FMN1: variants seen among roughly 807,000 people sequenced by gnomAD.
FMN1 encodes the protein formin 1.
Under a neutral mutation model 132.4 loss-of-function variants are expected in FMN1, and 110 were observed. That is an observed-to-expected ratio of 0.83 (90% CI 0.71 to 0.97). FMN1 has a LOEUF of 0.97. FMN1 is among the 50% of genes least tolerant of loss of function. The probability of loss-of-function intolerance (pLI) is 0.00; values close to 1 mark genes in which losing one functional copy is unlikely to be tolerated. For missense variants in FMN1, 1,792 were observed against 1,705.3 expected (o/e 1.05, Z -0.90); for synonymous variants, 722 against 651.7 (o/e 1.11, Z -1.64).
intron 13 of FMN1, 168 bp from the exon 14 acceptor site, chr15:32,900,293 T>C: frequency 1.4e-6 from 1 of 734,840 alleles, no homozygotes; most frequent in South Asian, 1.5e-5. Flanking sequence ...TGAGTGTCTT[T>C]ACAAACACAT....
intron 5 of FMN1, among the ~76,000 whole-genome samples, chr15:33,078,700 T>C (rs2038324218): frequency 6.7e-6 from 1 of 150,258 alleles, no homozygotes; most frequent in African/African-American, 2.4e-5. Flanking sequence ...AACATAGGAG[T>C]GTTCACAAAC....
intron 6 of FMN1, among the ~76,000 whole-genome samples, chr15:33,046,042 A>G (rs2036665484): frequency 6.6e-6 from 1 of 152,174 alleles, no homozygotes; most frequent in Non-Finnish European, 1.5e-5. Context: ...CCTTGCTGAA[A>G]TGGTATTAGC....
chr15:32,966,455 A>G (rs1018328986), intron 8 of FMN1, among the ~76,000 whole-genome samples: 2 of 152,140 alleles, frequency 1.3e-5, no homozygotes, highest in East Asian at 1.9e-4. Flanking sequence ...ACCACTGAAC[A>G]TACAATTCTA....
chr15:33,082,666 G>A (rs1367226570), intron 5 of FMN1, among the ~76,000 whole-genome samples: 3 of 152,194 alleles, frequency 2.0e-5, no homozygotes, highest in African/African-American at 7.2e-5. Context: ...TGAGATGCAT[G>A]GCTAATGGTA....
chr15:33,025,722 TATCTCAAA>T (rs1372721925), intron 6 of FMN1, among the ~76,000 whole-genome samples: 1 of 152,200 alleles, frequency 6.6e-6, no homozygotes, highest in East Asian at 1.9e-4. Context: ...AAACCTATTG[TATCTCAAA>T]ATCTCAAAAT....
intron 5 of FMN1, among the ~76,000 whole-genome samples, chr15:33,075,020 C>CAAAAAAAAAAAAAAA (rs57504432): frequency 3.2e-5 from 2 of 61,662 alleles, no homozygotes; most frequent in Non-Finnish European, 5.7e-5. Context: ...GATTCCATCT[C>CAAAAAAAAAAAAAAA]AAAAAAAAAA....
chr15:33,067,912 C>A, intron 5 of FMN1: 1 of 1,580,460 alleles, frequency 6.3e-7, no homozygotes, highest in South Asian at 1.2e-5. Flanking sequence ...GGTGGAAGTT[C>A]TGACTTGTGT....
At chr15:33,127,705 C>CTG (rs1215744660) in intron 4 of FMN1, among the ~76,000 whole-genome samples, 1 of 152,178 alleles carries the variant, frequency 6.6e-6, no homozygotes, top group Admixed American at 6.5e-5. Context: ...GTAAGCTATG[C>CTG]TGAACCTGTG....
intron 19 of FMN1, among the ~76,000 whole-genome samples, chr15:32,794,530 G>C (rs1168064696): frequency 6.6e-6 from 1 of 151,742 alleles, no homozygotes; most frequent in Non-Finnish European, 1.5e-5. Context: ...GGAATGTTTT[G>C]TAAGTAAGGG....
intron 7 of FMN1, among the ~76,000 whole-genome samples, chr15:33,001,901 A>C (rs1453312600): frequency 1.3e-5 from 2 of 152,060 alleles, no homozygotes; most frequent in East Asian, 3.9e-4. Context: ...AAAAACCCTA[A>C]GCTCCCCCAC....
intron 6 of FMN1, among the ~76,000 whole-genome samples, chr15:33,030,762 A>ATG (rs1028362190): frequency 2.0e-4 from 30 of 152,292 alleles, no homozygotes; most frequent in African/African-American, 7.2e-4. Flanking sequence ...GGTGTAGAAA[A>ATG]TGTGTATTAT....
intron 4 of FMN1, among the ~76,000 whole-genome samples, chr15:33,122,406 G>C (rs1462994581): frequency 6.7e-6 from 1 of 150,142 alleles, no homozygotes; most frequent in Non-Finnish European, 1.5e-5. Context: ...TGGTGGGAAA[G>C]TAAGGTAGGT....
chr15:32,890,585 C>T (rs1353755126), intron 15 of FMN1, among the ~76,000 whole-genome samples: 2 of 152,206 alleles, frequency 1.3e-5, no homozygotes, highest in African/African-American at 4.8e-5. Context: ...ACTGTCCATT[C>T]ATGTACTTCG....
At chr15:33,025,740 T>A (rs999323731) in intron 6 of FMN1, among the ~76,000 whole-genome samples, 20 of 152,252 alleles carry the variant, frequency 1.3e-4, no homozygotes, top group African/African-American at 4.8e-4. Context: ...AATCTCAAAA[T>A]GATACAGAAT....
chr15:32,962,889 T>C (rs1376416909), intron 9 of FMN1, among the ~76,000 whole-genome samples: 5 of 149,632 alleles, frequency 3.3e-5, no homozygotes, highest in African/African-American at 5.0e-5. Flanking sequence ...TTTTACACTG[T>C]TGGTGGGACT....
intron 17 of FMN1, among the ~76,000 whole-genome samples, chr15:32,806,677 G>C (rs1396938065): frequency 4.6e-5 from 7 of 152,162 alleles, no homozygotes; most frequent in Admixed American, 3.9e-4. Context: ...AGCTTCGCTG[G>C]CAGCTGCCTC....
At chr15:32,821,746 G>T (rs1035785984) in intron 17 of FMN1, among the ~76,000 whole-genome samples, 2 of 151,844 alleles carry the variant, frequency 1.3e-5, no homozygotes, top group Non-Finnish European at 2.9e-5. Context: ...CACCACATCC[G>T]GCTAATACTT....
intron 17 of FMN1, among the ~76,000 whole-genome samples, chr15:32,833,903 T>C (rs1325734253): frequency 2.0e-5 from 3 of 152,204 alleles, no homozygotes; most frequent in Non-Finnish European, 1.5e-5. Context: ...TCTTACTCTC[T>C]TGGGTTCCTC....
At chr15:33,087,035 A>G (rs2038722388) in intron 5 of FMN1, among the ~76,000 whole-genome samples, 1 of 152,238 alleles carries the variant, frequency 6.6e-6, no homozygotes, top group African/African-American at 2.4e-5. Context: ...AACAGGCATT[A>G]AAGTTAATGG....
Sources: allele counts gnomAD v4.1 joint callset (sites outside exome capture counted in the v4.1 genomes callset), GRCh38; gene constraint gnomAD v4.1.1; transcripts MANE v1.5; gene names NCBI Gene and HGNC (gene_info 2026-07-23, HGNC 2026-07-21).